The following NFE2L1 variants were observed in gnomAD, a reference collection of about 807,000 sequenced individuals.
NFE2L1 encodes the protein NFE2 like bZIP transcription factor 1.
NFE2L1 carries 18 observed loss-of-function variants against 61.6 expected under a neutral mutation model. The observed-to-expected ratio is 0.29, with a 90% CI of 0.20 to 0.43. The LOEUF (loss-of-function observed/expected upper bound fraction) is 0.43, where lower values mean the gene tolerates loss of function less well. NFE2L1 is among the 20% of genes least tolerant of loss of function. The pLI is 1.00. For synonymous variants in NFE2L1, 419 were observed against 402.7 expected, an observed-to-expected ratio of 1.04 and a Z score of -0.48; for missense variants, 827 against 973.5, an observed-to-expected ratio of 0.85 and a Z score of 2.00.
At chr17:48,049,469 C>T (rs1298650264) in intron 1 of NFE2L1, among the ~76,000 whole-genome samples, 1 of 152,068 alleles carries the variant, frequency 6.6e-6, no homozygotes, top group Non-Finnish European at 1.5e-5. Flanking sequence ...ATCGGCCCAC[C>T]ACAACCTCCG....
rs1397563306 is a variant in NFE2L1 at position 48,051,426 on chromosome 17, G to T, written c.308G>T (p.Trp103Leu). 1 of 1,614,092 alleles carries T rather than the reference G, an allele frequency of 6.2e-7. No individual in the cohort carries two copies. The highest frequency in any genetic ancestry group is 8.5e-7 in the Non-Finnish European group (1 of 1,180,048). Reference protein sequence around the residue: ...FQVPTTEVNAWLVHRDPEGSV... With the variant: ...FQVPTTEVNALLVHRDPEGSV... The stretch of plus-strand genomic sequence containing the variant: ...GTGCCAACCACTGAGGTAAATGCCT[G>T]GCTGGTTCACCGAGACCCAGAGGGG... The change falls in exon 2 of 6, where the codon TGG (tryptophan) becomes TTG (leucine). Residue 103 changes from tryptophan (W) to leucine (L), a missense_variant. This residue lies in a region of NFE2L1 where 667 missense variants were observed against 748.4 expected (regional missense o/e 0.89). Transcript: ENST00000362042.
chr17:48,059,135 G>T lies in NFE2L1; in HGVS notation c.1813G>T (p.Asp605Tyr), dbSNP rs755721123. ...LKKGSKEKQA[D>Y]FLDKQMSRDE... ...GAAAGGCAGCAAGGAGAAGCAGGCT[G>T]ACTTCCTGGACAAGCAGATGAGCCG... is the stretch of plus-strand genomic sequence containing the variant. Residue 605 changes from aspartate to tyrosine, a missense_variant, in exon 6 of 6, where the codon GAC (aspartate) becomes TAC (tyrosine). By Grantham distance (160) the Asp-to-Tyr change is radical. Transcript: ENST00000362042. This position sits in a 1 kb window ranked among gnomAD's most constrained non-coding sequence, Gnocchi z 6.1. The T allele has an allele frequency of 6.2e-7, 1 of 1,614,008 alleles. No individual in the cohort carries two copies. Among genetic ancestry groups the T allele is most frequent in the Non-Finnish European group, 8.5e-7 (1 of 1,180,010 alleles).
At chr17:48,055,393 CTATT>C (rs2037374577) in intron 2 of NFE2L1, among the ~76,000 whole-genome samples, 1 of 152,002 alleles carries the variant, frequency 6.6e-6, no homozygotes, top group Admixed American at 6.5e-5. Flanking sequence ...CCAAATAGCT[CTATT>C]TATTGGGGTT....
rs2144348216 is a variant in NFE2L1 at position 48,050,612 on chromosome 17, T to C, written c.-507T>C. The C allele has an allele frequency of 2.4e-6, 1 of 408,742 alleles. No homozygotes were observed. The highest frequency in any genetic ancestry group is 4.3e-6 in the Non-Finnish European group (1 of 230,964). The allele number at this position is 408,742 out of a possible 1,614,324, so 25.3% of individuals were successfully genotyped here. ...TTTTGTGATTCCCATTTCAGGTTTC[T>C]CTGGAAACCCCCCTGGTAAGTGTGG... On this transcript the variant is annotated 5_prime_UTR_variant, in exon 2 of 6. Coordinates refer to ENST00000362042, the MANE Select transcript of NFE2L1 (RefSeq NM_003204.3).
Position 48,058,556 on chromosome 17 carries a change from A to G in NFE2L1, c.1234A>G (p.Asn412Asp), listed in dbSNP as rs199629616. Residue 412 changes from asparagine to aspartate, a missense_variant, in exon 6 of 6, where the codon AAC becomes GAC. This residue lies in a region of NFE2L1 where 667 missense variants were observed against 748.4 expected (regional missense o/e 0.89). Coordinates refer to ENST00000362042, the MANE Select transcript of NFE2L1 (RefSeq NM_003204.3). ...TSLNSTFGST[N>D]LTGLFFPPQL... ...CCTCAACTCCACCTTCGGCTCCACC[A>G]ACCTGACAGGGCTCTTCTTTCCACC... The G allele has an allele frequency of 7.4e-6, 12 of 1,613,688 alleles. No homozygotes were observed. The Admixed American group carries it at 1.8e-4, about 25-fold the overall frequency.
chr17:48,054,407 C>T (rs938117461), intron 2 of NFE2L1: 6 of 269,454 alleles, frequency 2.2e-5, no homozygotes, highest in Non-Finnish European at 3.4e-5. Flanking sequence ...GATTGGCTCC[C>T]GTCTGCAGCT....
chr17:48,049,565 G>A lies in NFE2L1; in HGVS notation c.-512-1042G>A, dbSNP rs143272785. Among the ~76,000 whole-genome samples the A allele has an allele frequency of 1.3e-3, 195 of 152,208 alleles. 1 individual carries two copies. The highest frequency in any genetic ancestry group is 4.4e-3 in the African/African-American group (181 of 41,526). On this transcript the variant is annotated intron_variant, in intron 1 of 5. Coordinates refer to ENST00000362042, the MANE Select transcript of NFE2L1 (RefSeq NM_003204.3). ...GCGCCACCACGCCCGGCTAATTTTT[G>A]TATTTTTAGTTGAGATGGGGTTTCT... is the stretch of plus-strand genomic sequence containing the variant.
In NFE2L1 at chr17:48,053,633, G is replaced by C. The variant is rs192073556; in HGVS notation, c.510+2005G>C. Among the ~76,000 whole-genome samples the C allele has an allele frequency of 2.3e-3, 349 of 152,324 alleles. 2 individuals carry two copies. Among genetic ancestry groups the C allele is most frequent in the Non-Finnish European group, 4.0e-3 (275 of 68,028 alleles). ...TACAGCTCTTTCCAGGCTAGGAGCT[G>C]ACTGTGACCAGAGAGAACATACTGT... On this transcript the variant is annotated intron_variant, in intron 2 of 5. Transcript: ENST00000362042.
Position 48,058,986 on chromosome 17 carries a change from G to A in NFE2L1, c.1664G>A (p.Ser555Asn). ...GAGTATTCCAAGTTCTGCCGCATGA[G>A]CTACCAGGATCCAGCTCAGCTCTCA... is the stretch of plus-strand genomic sequence containing the variant. ...QPEYSKFCRMSYQDPAQLSCL... is the reference protein window; with the variant it reads ...QPEYSKFCRMNYQDPAQLSCL... The change falls in exon 6 of 6, where the codon AGC (serine) becomes AAC (asparagine). Residue 555 changes from serine to asparagine, a missense_variant. Transcript: ENST00000362042. 6.2e-7 allele frequency: 1 copy of A among 1,614,062 alleles called. No homozygotes were observed. The highest frequency in any genetic ancestry group is 8.5e-7 in the Non-Finnish European group (1 of 1,180,032).
Position 48,058,773 on chromosome 17 carries a change from G to T in NFE2L1, c.1451G>T (p.Ser484Ile). Residue 484 changes from serine (S) to isoleucine (I), a missense_variant, in exon 6 of 6, where the codon AGC becomes ATC. Ser to Ile is a moderately radical substitution (Grantham distance 142, BLOSUM62 -2). This residue lies in a region of NFE2L1 where 667 missense variants were observed against 748.4 expected (regional missense o/e 0.89). Coordinates refer to ENST00000362042, the MANE Select transcript of NFE2L1 (RefSeq NM_003204.3). ...DSDSGLSLDS[S>I]HSPSSLSSSE... ...GACTCAGGCCTTTCCTTAGACTCGA[G>T]CCATAGCCCTTCTTCCCTAAGCAGC... is the stretch of plus-strand genomic sequence containing the variant. The T allele has an allele frequency of 6.2e-7, 1 of 1,614,178 alleles. No individual in the cohort carries two copies. Among genetic ancestry groups the T allele is most frequent in the South Asian group, 1.1e-5 (1 of 91,084 alleles).
At position 48,057,423 on chromosome 17, in the gene NFE2L1, C is replaced by G. The variant is rs1019337606; in HGVS notation, c.893C>G (p.Ser298Cys). Residue 298 changes from serine (S) to cysteine (C), a missense_variant, in exon 5 of 6, where the codon TCT (serine) becomes TGT (cysteine). Ser to Cys is a moderately radical substitution (Grantham distance 112, BLOSUM62 -1). Transcript: ENST00000362042. ...EPPALQNNLL[S>C]PLLTGTESPF... ...CCTGCTCTTCAAAACAACCTCTTGTCTCCTCTTCTGACCGGGACAGAGTCA... is the reference window on the plus strand; with the variant it reads ...CCTGCTCTTCAAAACAACCTCTTGTGTCCTCTTCTGACCGGGACAGAGTCA... 6.2e-7 allele frequency: 1 copy of G among 1,614,106 alleles called. No homozygotes were observed. Among genetic ancestry groups the G allele is most frequent in the Non-Finnish European group, 8.5e-7 (1 of 1,180,044 alleles).
At chr17:48,049,859 G>C (rs901339069) in intron 1 of NFE2L1, among the ~76,000 whole-genome samples, 6 of 152,178 alleles carry the variant, frequency 3.9e-5, no homozygotes, top group Non-Finnish European at 7.4e-5. Flanking sequence ...AAAGACAACT[G>C]TTATGGGTGG....
At chr17:48,049,926 CAT>C (rs1350727658) in intron 1 of NFE2L1, among the ~76,000 whole-genome samples, 1 of 152,168 alleles carries the variant, frequency 6.6e-6, no homozygotes, top group Non-Finnish European at 1.5e-5. Flanking sequence ...ATGGGCTTCT[CAT>C]GTGAAAATAG....
rs746794444 is a variant in NFE2L1, at chr17:48,056,597, A to G, written c.722A>G (p.Gln241Arg). 4.3e-6 allele frequency: 7 copies of G among 1,612,580 alleles called. No homozygotes were observed. The highest frequency in any genetic ancestry group is 2.7e-5 in the African/African-American group (2 of 75,010). The change falls in exon 3 of 6, where the codon CAG (glutamine) becomes CGG (arginine). Residue 241 changes from glutamine to arginine, a missense_variant and splice_region_variant. Gln to Arg is a conservative substitution (Grantham distance 43). Transcript: ENST00000362042. ...GAGACTGGGGAGAGCTTCCCTGCAC[A>G]GGTACCATCGCCCCTGCTCACTGGG... is the stretch of plus-strand genomic sequence containing the variant. ...DGETGESFPA[Q>R]VPSGEDQTAL...
chr17:48,050,123 T>A (rs1005798895), intron 1 of NFE2L1, among the ~76,000 whole-genome samples: 1 of 152,242 alleles, frequency 6.6e-6, no homozygotes, highest in Non-Finnish European at 1.5e-5. Context: ...AGTTCTTCTA[T>A]GATCGGTTGC....
Position 48,050,912 on chromosome 17 carries a change from T to C in NFE2L1, c.-207T>C. Reference sequence around the variant, plus strand: ...TCGAGAAGGGAAAGTGAATGTGGTCTGGAGTGTGTCCTTGGCCTTGGCTCC... The same window carrying C: ...TCGAGAAGGGAAAGTGAATGTGGTCCGGAGTGTGTCCTTGGCCTTGGCTCC... On this transcript the variant is annotated 5_prime_UTR_variant, in exon 2 of 6. Coordinates refer to ENST00000362042, the MANE Select transcript of NFE2L1 (RefSeq NM_003204.3). 3.2e-6 allele frequency: 2 copies of C among 625,062 alleles called. No individual in the cohort carries two copies. Among genetic ancestry groups the C allele is most frequent in the South Asian group, 1.9e-5 (1 of 52,008 alleles). The allele number at this position is 625,062 out of a possible 1,614,324, so 38.7% of individuals were successfully genotyped here.
At chr17:48,057,190 G>A (rs1423360011) in intron 4 of NFE2L1, 69 bp downstream of exon 4, 3 of 1,588,144 alleles carry the variant, frequency 1.9e-6, no homozygotes, top group East Asian at 2.2e-5. Flanking sequence ...TCCCTCCATG[G>A]CTGAGGGGCC....
At position 48,050,731 on chromosome 17, in the gene NFE2L1, A is replaced by C; in HGVS notation, c.-388A>C. On this transcript the variant is annotated 5_prime_UTR_variant, in exon 2 of 6. Transcript: ENST00000362042. ...GGGAGAAGGAAAAAAAAAATCCATC[A>C]GCTGTTCCTGAGAACAGCCTGCATT... is the stretch of plus-strand genomic sequence containing the variant. 1 of 448,690 alleles carries C rather than the reference A, an allele frequency of 2.2e-6. No homozygotes were observed. Among genetic ancestry groups the C allele is most frequent in the Non-Finnish European group, 3.9e-6 (1 of 254,512 alleles). The allele number at this position is 448,690 out of a possible 1,614,324, so 27.8% of individuals were successfully genotyped here.
Position 48,059,920 on chromosome 17 carries a change from A to G in NFE2L1, c.*279A>G. The G allele has an allele frequency of 4.7e-6, 2 of 425,666 alleles. No individual in the cohort carries two copies. Among genetic ancestry groups the G allele is most frequent in the South Asian group, 1.1e-4 (2 of 17,604 alleles). 26.4% of individuals were successfully genotyped at this position (425,666 alleles called of 1,614,324 possible). ...GGGTGGTGGTGGAGTTGCTGGAGGT[A>G]GAGGAGCTATGTGGAGCAAAGGCCG... On this transcript the variant is annotated 3_prime_UTR_variant, in exon 6 of 6. Transcript: ENST00000362042. This position sits in a 1 kb window ranked among gnomAD's most constrained non-coding sequence, Gnocchi z 6.1.
Sources: allele counts gnomAD v4.1 joint callset (sites outside exome capture counted in the v4.1 genomes callset), GRCh38; gene constraint gnomAD v4.1.1; regional missense constraint gnomAD v4.1.1; non-coding constraint Gnocchi (gnomAD v3.1); transcripts MANE v1.5; gene names NCBI Gene and HGNC (gene_info 2026-07-23, HGNC 2026-07-21).